RABL6: variants seen among roughly 807,000 people sequenced by gnomAD.
The protein encoded by RABL6 is RAB, member RAS oncogene family like 6.
In RABL6, 28 loss-of-function variants were observed where a neutral mutation model predicts 72.9. That is an observed-to-expected ratio of 0.38 (90% CI 0.28 to 0.53). The LOEUF (loss-of-function observed/expected upper bound fraction) is 0.53, where lower values mean the gene tolerates loss of function less well. RABL6 is among the 20% of genes least tolerant of loss of function. The pLI, the probability that RABL6 is intolerant of heterozygous loss-of-function variation, is 0.80. For synonymous variants in RABL6, 477 were observed against 421.2 expected, an observed-to-expected ratio of 1.13 and a Z score of -1.62; for missense variants, 1,029 against 1,008.4, an observed-to-expected ratio of 1.02 and a Z score of -0.28.
At chr9:136,809,890 C>T (rs899340837) in intron 1 of RABL6, 4 of 156,902 alleles carry the variant, frequency 2.5e-5, no homozygotes, top group African/African-American at 7.2e-5. Flanking sequence ...TCTCAGGACT[C>T]CTCTGTCCAG....
chr9:136,815,953 G>GT (rs1002758969), intron 1 of RABL6, among the ~76,000 whole-genome samples: 19 of 152,298 alleles, frequency 1.2e-4, no homozygotes, highest in Admixed American at 1.1e-3. Context: ...TTAAGTACAG[G>GT]TAAGTACAGG....
chr9:136,822,216 A>G (rs1179965801), intron 1 of RABL6, among the ~76,000 whole-genome samples: 1 of 151,988 alleles, frequency 6.6e-6, no homozygotes, highest in Non-Finnish European at 1.5e-5. Flanking sequence ...TGCGGGAGTG[A>G]GAGGAGGCTG....
chr9:136,814,612 G>A (rs1318046826), intron 1 of RABL6: 1 of 151,992 alleles, frequency 6.6e-6, no homozygotes, highest in East Asian at 1.9e-4. Flanking sequence ...TAGCCGGGTG[G>A]TAGTGGTACA....
intron 1 of RABL6, 167 bp downstream of exon 1, chr9:136,808,493 G>A (rs1205258237): frequency 4.3e-6 from 3 of 702,806 alleles, no homozygotes; most frequent in Middle Eastern, 5.0e-4. Flanking sequence ...GGGACGCGAG[G>A]AGAGGCCAGG....
chr9:136,829,505 G>A (rs1340590129), intron 5 of RABL6, 21 bp downstream of exon 5: 4 of 1,550,888 alleles, frequency 2.6e-6, no homozygotes, highest in Admixed American at 1.9e-5. Flanking sequence ...GCTGGCGGGG[G>A]CAGCTGCCTG....
intron 5 of RABL6, among the ~76,000 whole-genome samples, chr9:136,831,195 G>A (rs543451022): frequency 1.3e-5 from 2 of 152,304 alleles, no homozygotes; most frequent in East Asian, 1.9e-4. Flanking sequence ...GCAGTTCCAC[G>A]CCAGGCAGAC....
At chr9:136,822,413 T>A (rs1169150626) in intron 1 of RABL6, among the ~76,000 whole-genome samples, 1 of 151,820 alleles carries the variant, frequency 6.6e-6, no homozygotes, top group Non-Finnish European at 1.5e-5. Context: ...GTGCCTGTGG[T>A]GGGTTCACCA....
At position 136,821,902 on chromosome 9, in the gene RABL6, C is replaced by T. The variant is rs966821345; in HGVS notation, c.131-1623C>T. On this transcript the variant is annotated intron_variant, in intron 1 of 14. Coordinates refer to ENST00000311502, the MANE Select transcript of RABL6 (RefSeq NM_024718.5). ...CCAGCCGGTGCGGCCGCCACCGTGG[C>T]CGTGAGGGCGCCTGGGTCCCCTCTG... 8 of 1,280,556 alleles carry T rather than the reference C, an allele frequency of 6.2e-6. No individual in the cohort carries two copies. In the African/African-American group the frequency reaches 1.2e-4, roughly 20 times the overall value. The allele number at this position is 1,280,556 out of a possible 1,614,324, so 79.3% of individuals were successfully genotyped here.
chr9:136,838,617 C>T (rs368972878), intron 10 of RABL6, among the ~76,000 whole-genome samples: 104 of 152,376 alleles, frequency 6.8e-4, no homozygotes, highest in East Asian at 2.3e-3. Flanking sequence ...CAGAAAGCCC[C>T]GTGGCCCTGA....
rs1420071451 is a variant in RABL6 at position 136,839,695 on chromosome 9, A to G, written c.1760A>G (p.Asp587Gly). 1.3e-6 allele frequency: 2 copies of G among 1,579,890 alleles called. No homozygotes were observed. The highest frequency in any genetic ancestry group is 8.6e-7 in the Non-Finnish European group (1 of 1,159,684). ...SEGSDTQRRA[D>G]DFPVRDDPSD... ...GACCAGTTGCTCTCCCTGCTCCAGG[A>G]TGACTTTCCCGTGCGAGATGACCCC... Residue 587 changes from aspartate to glycine, a missense_variant and splice_region_variant, in exon 13 of 15, where the codon GAT (aspartate) becomes GGT (glycine). Physicochemically the swap from Asp to Gly is moderately conservative, Grantham distance 94. Coordinates refer to ENST00000311502, the MANE Select transcript of RABL6 (RefSeq NM_024718.5).
intron 7 of RABL6, among the ~76,000 whole-genome samples, chr9:136,834,780 A>G (rs1379392982): frequency 6.6e-6 from 1 of 152,024 alleles, no homozygotes; most frequent in Non-Finnish European, 1.5e-5. Context: ...GCCCAGCCTC[A>G]CATTTTTATT....
At chr9:136,833,032 C>T in intron 7 of RABL6, 1 of 326,980 alleles carries the variant, frequency 3.1e-6, no homozygotes, top group Non-Finnish European at 5.8e-6. Flanking sequence ...CCTGAACCTC[C>T]TCGCCCTGGG....
rs911539548 is a variant in RABL6 at position 136,840,558 on chromosome 9, CGT to C, written c.*38_*39del. ...GCAGTGGCCGCCCTGGGGCGGGGGG[CGT>C]GCCTGTCACTGCCTGGGGAGGCATT... On this transcript the variant is annotated 3_prime_UTR_variant, in exon 15 of 15. Transcript: ENST00000311502. 6.5e-7 allele frequency: 1 copy of C among 1,531,374 alleles called. No individual in the cohort carries two copies. The highest frequency in any genetic ancestry group is 1.4e-5 in the African/African-American group (1 of 72,198). The allele number at this position is 1,531,374 out of a possible 1,614,324, so 94.9% of individuals were successfully genotyped here.
chr9:136,821,670 C>CT, intron 1 of RABL6: 1 of 990,860 alleles, frequency 1.0e-6, no homozygotes, highest in South Asian at 4.5e-5. Flanking sequence ...TCCCGCCGCG[C>CT]TGGGGCCTGG....
rs144926317 is a variant in RABL6, at chr9:136,839,281, C to G, written c.1553C>G (p.Pro518Arg). 7.5e-6 allele frequency: 12 copies of G among 1,610,084 alleles called. No homozygotes were observed. The highest frequency in any genetic ancestry group is 1.0e-5 in the Non-Finnish European group (12 of 1,178,758). The change falls in exon 12 of 15, where the codon CCC (proline) becomes CGC (arginine). Residue 518 changes from proline (P) to arginine (R), a missense_variant. Physicochemically the swap from Pro to Arg is moderately radical, Grantham distance 103 (BLOSUM62 -2). Transcript: ENST00000311502. ...ACAGCTCCCACGAGGACCGCAGCAC[C>G]CCCCTGGCCAGGCGGTGTCTCTGTT... Reference protein sequence around the residue: ...RGTAPTRTAAPPWPGGVSVRT... With the variant: ...RGTAPTRTAARPWPGGVSVRT...
intron 13 of RABL6, 83 bp from the exon 14 acceptor site, chr9:136,840,069 TTG>T: frequency 6.3e-7 from 1 of 1,584,798 alleles, no homozygotes; most frequent in Non-Finnish European, 8.7e-7. Flanking sequence ...GCTCGCTGCT[TTG>T]TGAGTTTCTA....
chr9:136,839,274 G>A lies in RABL6; in HGVS notation c.1546G>A (p.Ala516Thr), dbSNP rs367975678. ...PRRGTAPTRT[A>T]APPWPGGVSV... ...GAGGGGGACAGCTCCCACGAGGACC[G>A]CAGCACCCCCCTGGCCAGGCGGTGT... The change falls in exon 12 of 15, where the codon GCA becomes ACA. Residue 516 changes from alanine to threonine, a missense_variant. This residue lies in a region of RABL6 where 595 missense variants were observed against 472.4 expected (regional missense o/e 1.26). Transcript: ENST00000311502. 262 of 1,608,606 alleles carry A rather than the reference G, an allele frequency of 1.6e-4. No individual in the cohort carries two copies. The highest frequency in any genetic ancestry group is 2.9e-4 in the Admixed American group (17 of 59,288).
intron 7 of RABL6, chr9:136,834,502 G>C: frequency 2.1e-6 from 2 of 960,092 alleles, no homozygotes; most frequent in Non-Finnish European, 2.5e-6. Context: ...TTTTTTTGGA[G>C]ACGGAGTCTC....
chr9:136,830,856 C>G (rs1848458220), intron 5 of RABL6: 2 of 152,852 alleles, frequency 1.3e-5, no homozygotes, highest in South Asian at 4.1e-4. Flanking sequence ...GGTAGCAATG[C>G]TCTGTCTGGA....
Sources: gnomAD v4.1 joint callset for allele counts (sites outside exome capture counted in the v4.1 genomes callset) on GRCh38, gnomAD v4.1.1 for gene constraint, gnomAD v4.1.1 regional missense constraint, MANE v1.5 for transcripts, NCBI Gene and HGNC (gene_info 2026-07-23, HGNC 2026-07-21) for gene names.